BTBD9: variants seen among roughly 807,000 people sequenced by gnomAD.
BTBD9 encodes the protein BTB/POZ domain-containing protein 9.
BTBD9 carries 49 observed loss-of-function variants against 64.3 expected under a neutral mutation model. That is an observed-to-expected ratio of 0.76 (90% confidence interval 0.61 to 0.97). BTBD9 has a LOEUF of 0.97. Ranked by LOEUF, BTBD9 falls within the 50% of genes least tolerant of loss-of-function variation. The probability of loss-of-function intolerance (pLI) is 0.00; values close to 1 mark genes in which losing one functional copy is unlikely to be tolerated. For missense variants in BTBD9, 598 were observed against 762.1 expected (o/e 0.78, Z 2.53); for synonymous variants, 260 against 274.7 (o/e 0.95, Z 0.53).
intron 7 of BTBD9, among the ~76,000 whole-genome samples, chr6:38,297,226 C>T (rs1407354273): frequency 6.6e-6 from 1 of 152,058 alleles, no homozygotes; most frequent in African/African-American, 2.4e-5. Context: ...ATTAGCTGGG[C>T]ATGGTGGCGC....
At chr6:38,465,751 A>ATATATATG (rs1770347723) in intron 6 of BTBD9, among the ~76,000 whole-genome samples, 1 of 41,502 alleles carries the variant, frequency 2.4e-5, no homozygotes, top group Admixed American at 2.8e-4. Context: ...ATATATATAT[A>ATATATATG]TATATGTATG....
At chr6:38,418,610 T>G (rs974834359) in intron 6 of BTBD9, among the ~76,000 whole-genome samples, 1 of 152,234 alleles carries the variant, frequency 6.6e-6, no homozygotes. Flanking sequence ...TTTTTAATTA[T>G]GACCACCCTA....
intron 6 of BTBD9, among the ~76,000 whole-genome samples, chr6:38,429,455 C>CAAAA (rs201995368): frequency 2.0e-5 from 2 of 102,558 alleles, no homozygotes; most frequent in Admixed American, 1.0e-4. Context: ...GACTACGTCT[C>CAAAA]AAAAAAAAAA....
intron 9 of BTBD9, among the ~76,000 whole-genome samples, chr6:38,247,704 A>G (rs1331292801): frequency 6.6e-6 from 1 of 152,250 alleles, no homozygotes; most frequent in African/African-American, 2.4e-5. Flanking sequence ...GAGCCCATGG[A>G]GAGAAGCATA....
intron 6 of BTBD9, among the ~76,000 whole-genome samples, chr6:38,472,706 G>A (rs1266252115): frequency 6.6e-6 from 1 of 152,006 alleles, no homozygotes; most frequent in Non-Finnish European, 1.5e-5. Context: ...ACCTTCATTC[G>A]TTTTCTAAAA....
chr6:38,399,586 G>A (rs1766835811), intron 6 of BTBD9, among the ~76,000 whole-genome samples: 1 of 152,108 alleles, frequency 6.6e-6, no homozygotes, highest in Non-Finnish European at 1.5e-5. Flanking sequence ...ACTGTGAGTT[G>A]CCTATCCAAG....
At chr6:38,320,872 A>G (rs551532034) in intron 7 of BTBD9, among the ~76,000 whole-genome samples, 144 of 152,324 alleles carry the variant, frequency 9.5e-4, no homozygotes, top group African/African-American at 3.2e-3. Flanking sequence ...ACCTTTAAGG[A>G]TAAGAGGCAA....
intron 6 of BTBD9, among the ~76,000 whole-genome samples, chr6:38,442,958 G>A (rs144206516): frequency 7.4e-4 from 112 of 152,082 alleles, no homozygotes; most frequent in African/African-American, 2.5e-3. Flanking sequence ...GTGAGCCACC[G>A]CGCTTGGCCC....
At chr6:38,550,970 A>G (rs929111557) in intron 6 of BTBD9, among the ~76,000 whole-genome samples, 10 of 152,126 alleles carry the variant, frequency 6.6e-5, no homozygotes, top group Non-Finnish European at 1.3e-4. Context: ...TTCCAGGAGC[A>G]TACCAGAGCC....
In BTBD9 at chr6:38,592,656, A is replaced by C; in HGVS notation, c.734T>G (p.Leu245Arg). The C allele has an allele frequency of 6.2e-7, 1 of 1,614,150 alleles. No individual in the cohort carries two copies. The highest frequency in any genetic ancestry group is 8.5e-7 in the Non-Finnish European group (1 of 1,180,012). The change falls in exon 4 of 11, where the codon CTG (leucine) becomes CGG (arginine). Residue 245 changes from leucine (L) to arginine (R), a missense_variant. Physicochemically the swap from Leu to Arg is moderately radical, Grantham distance 102 (BLOSUM62 -2). Transcript: ENST00000481247. Reference protein sequence around the residue: ...LLNVVRPSGLLSPDAILDAIK... With the variant: ...LLNVVRPSGLRSPDAILDAIK... ...GGCATCCAGGATGGCATCAGGAGACAGCAGTCCTGAAGGCCTCACAACATT... is the reference window on the plus strand; with the variant it reads ...GGCATCCAGGATGGCATCAGGAGACCGCAGTCCTGAAGGCCTCACAACATT...
intron 10 of BTBD9, among the ~76,000 whole-genome samples, chr6:38,186,453 T>A (rs533208651): frequency 6.6e-6 from 1 of 152,350 alleles, no homozygotes; most frequent in East Asian, 1.9e-4. Context: ...AAATCCTCCA[T>A]ATGACTATAG....
intron 6 of BTBD9, among the ~76,000 whole-genome samples, chr6:38,519,006 T>C (rs1184709661): frequency 2.0e-5 from 3 of 152,152 alleles, no homozygotes; most frequent in Non-Finnish European, 4.4e-5. Context: ...CAGAGGCAGT[T>C]TTCTAAAAGA....
chr6:38,374,725 C>A (rs1392429165), intron 6 of BTBD9, among the ~76,000 whole-genome samples: 1 of 152,146 alleles, frequency 6.6e-6, no homozygotes, highest in Non-Finnish European at 1.5e-5. Context: ...ACTAACCCTG[C>A]ATAGAAATCA....
chr6:38,182,191 A>G (rs1405573526), intron 10 of BTBD9, among the ~76,000 whole-genome samples: 2 of 151,898 alleles, frequency 1.3e-5, no homozygotes, highest in East Asian at 3.9e-4. Flanking sequence ...TTACAATATC[A>G]TTTTCTCATA....
In BTBD9 at chr6:38,497,942, T is replaced by G. The variant is rs1290811997; in HGVS notation, c.1154+79658A>C. ...CAGCTAGGTTTATAGAAAGAGGTAT[T>G]TAATAAGAATAATGTGTGTTAGGCA... On this transcript the variant is annotated intron_variant, in intron 6 of 10. Transcript: ENST00000481247. Among the ~76,000 whole-genome samples, 3 of 152,198 alleles carry G rather than the reference T, an allele frequency of 2.0e-5. No homozygotes were observed. The East Asian group carries it at 5.8e-4, about 29-fold the overall frequency.
At chr6:38,310,978 T>C (rs571127685) in intron 7 of BTBD9, among the ~76,000 whole-genome samples, 4 of 152,246 alleles carry the variant, frequency 2.6e-5, no homozygotes, top group Admixed American at 2.6e-4. Flanking sequence ...TGGCTAATTT[T>C]TTTTGCAGTT....
chr6:38,370,377 CTT>C (rs574350771), intron 6 of BTBD9, among the ~76,000 whole-genome samples: 71 of 152,188 alleles, frequency 4.7e-4, no homozygotes, highest in Non-Finnish European at 9.3e-4. Context: ...ACAAATGAAT[CTT>C]TGCTTTGGGC....
intron 9 of BTBD9, among the ~76,000 whole-genome samples, chr6:38,212,578 C>A (rs1040485988): frequency 1.4e-5 from 2 of 146,050 alleles, no homozygotes; most frequent in African/African-American, 5.1e-5. Flanking sequence ...TAGGTCTCCA[C>A]TAAATGGCAA....
intron 1 of BTBD9, among the ~76,000 whole-genome samples, chr6:38,599,286 T>C (rs1777166494): frequency 6.6e-6 from 1 of 152,166 alleles, no homozygotes; most frequent in African/African-American, 2.4e-5. Context: ...CCGAATGTAC[T>C]TGCAGGTACT....
Sources: allele counts gnomAD v4.1 joint callset (sites outside exome capture counted in the v4.1 genomes callset), GRCh38; gene constraint gnomAD v4.1.1; transcripts MANE v1.5; gene names NCBI Gene and HGNC (gene_info 2026-07-23, HGNC 2026-07-21).